The following ABCG8 variants were observed in gnomAD, a reference collection of about 807,000 sequenced individuals.
ABCG8 encodes the protein ATP binding cassette subfamily G member 8.
In ABCG8, 81 loss-of-function variants were observed where a neutral mutation model predicts 71.3. That is an observed-to-expected ratio of 1.14 (90% CI 0.95 to 1.37). The LOEUF (loss-of-function observed/expected upper bound fraction) is 1.37, where lower values mean the gene tolerates loss of function less well. Among genes scored for constraint, ABCG8 ranks in the 40% most tolerant of loss-of-function variants. The probability of loss-of-function intolerance (pLI) is 0.00; values close to 1 mark genes in which losing one functional copy is unlikely to be tolerated. For missense variants in ABCG8, 1,119 were observed against 866.2 expected, an observed-to-expected ratio of 1.29 and a Z score of -3.66; for synonymous variants, 451 against 354.7, an observed-to-expected ratio of 1.27 and a Z score of -3.05.
In ABCG8 at chr2:43,873,964, C is replaced by T; in HGVS notation, c.1389C>T (p.Val463=). ...FMIGALIPFN[V]ILDVISKCYS... ...TCGGTGCTCTCATCCCTTTCAACGT[C>T]ATTCTGGATGTCATCTCCAAATGTG... The change falls in exon 9 of 13, where the codon GTC becomes GTT. Residue 463 remains valine, a synonymous_variant. Coordinates refer to ENST00000272286, the MANE Select transcript of ABCG8 (RefSeq NM_022437.3). 4 of 1,614,094 alleles carry T rather than the reference C, an allele frequency of 2.5e-6. No individual in the cohort carries two copies. The highest frequency in any genetic ancestry group is 1.3e-5 in the African/African-American group (1 of 75,034).
At chr2:43,852,928 C>T in intron 6 of ABCG8, 60 bp downstream of exon 6, 1 of 1,601,044 alleles carries the variant, frequency 6.2e-7, no homozygotes, top group Non-Finnish European at 8.5e-7. Flanking sequence ...GATGCTTAAA[C>T]CCTGCCCAAG....
intron 6 of ABCG8, among the ~76,000 whole-genome samples, chr2:43,863,980 A>T (rs533887960): frequency 6.6e-6 from 1 of 151,264 alleles, no homozygotes; most frequent in East Asian, 1.9e-4. Context: ...CTTACTGTCA[A>T]TCTGGATATA....
intron 11 of ABCG8, among the ~76,000 whole-genome samples, chr2:43,876,277 T>A (rs928838130): frequency 7.2e-5 from 11 of 152,178 alleles, no homozygotes; most frequent in Non-Finnish European, 8.8e-5. Context: ...CTCTGCCCTT[T>A]TGCCTCTTGG....
In ABCG8 at chr2:43,875,377, G is replaced by T; in HGVS notation, c.1720G>T (p.Gly574Trp). The stretch of plus-strand genomic sequence containing the variant: ...CCTCTACAACTCCTTCTACCTCGCC[G>T]GGGGCTTCATGATAAACTTGAGCAG... ...NALYNSFYLA[G>W]GFMINLSSLW... The change falls in exon 11 of 13, where the codon GGG (glycine) becomes TGG (tryptophan). Residue 574 changes from glycine to tryptophan, a missense_variant. Gly to Trp is a radical substitution (Grantham distance 184, BLOSUM62 -2). Transcript: ENST00000272286. 6.2e-7 allele frequency: 1 copy of T among 1,613,672 alleles called. No individual in the cohort carries two copies. The highest frequency in any genetic ancestry group is 8.5e-7 in the Non-Finnish European group (1 of 1,179,816).
In ABCG8 at chr2:43,851,911, C is replaced by G. The variant is rs1668930409; in HGVS notation, c.561+89C>G. On this transcript the variant is annotated intron_variant, in intron 4 of 12. Transcript: ENST00000272286. ...CTCCCCTGCTGCCTTGCCTCAGGAC[C>G]CAGCCGCAGGTCGAGTTTGAACAAC... is the stretch of plus-strand genomic sequence containing the variant. 4.9e-6 allele frequency: 7 copies of G among 1,440,160 alleles called. No homozygotes were observed. The Admixed American group carries it at 8.4e-5, about 17-fold the overall frequency. 89.2% of individuals were successfully genotyped at this position (1,440,160 alleles called of 1,614,324 possible).
At position 43,872,090 on chromosome 2, in the gene ABCG8, T is replaced by C. The variant is rs1439107514; in HGVS notation, c.1079T>C (p.Leu360Pro). ...AAAGTGCGTGACTTAGATGACTTTC[T>C]ATGGAAAGCAGAGACGAAGGATCTT... ...LEKVRDLDDF[L>P]WKAETKDLDE... The change falls in exon 7 of 13, where the codon CTA (leucine) becomes CCA (proline). Residue 360 changes from leucine (L) to proline (P), a missense_variant. Leu to Pro is a moderately conservative substitution (Grantham distance 98). Coordinates refer to ENST00000272286, the MANE Select transcript of ABCG8 (RefSeq NM_022437.3). The C allele has an allele frequency of 3.1e-6, 5 of 1,614,094 alleles. No individual in the cohort carries two copies. In the South Asian group the frequency reaches 5.5e-5, roughly 18 times the overall value.
intron 6 of ABCG8, among the ~76,000 whole-genome samples, chr2:43,860,980 C>T (rs1165483883): frequency 6.6e-6 from 1 of 151,162 alleles, no homozygotes; most frequent in Middle Eastern, 3.4e-3. Context: ...CTGGATAGAA[C>T]TCTCACTATC....
At chr2:43,860,933 G>A (rs1669293064) in intron 6 of ABCG8, among the ~76,000 whole-genome samples, 1 of 151,382 alleles carries the variant, frequency 6.6e-6, no homozygotes, top group South Asian at 2.1e-4. Flanking sequence ...TCTCTGGATA[G>A]AACTCTCACT....
At chr2:43,852,268 G>A (rs188597032) in intron 4 of ABCG8, 86 bp from the exon 5 acceptor site, 3 of 1,590,270 alleles carry the variant, frequency 1.9e-6, no homozygotes, top group African/African-American at 1.3e-5. Context: ...AGCCGGAGGA[G>A]CGGGCGCCTT....
At chr2:43,849,962 G>A (rs1380224531) in intron 3 of ABCG8, among the ~76,000 whole-genome samples, 2 of 152,148 alleles carry the variant, frequency 1.3e-5, no homozygotes, top group Non-Finnish European at 2.9e-5. Context: ...CACTTTGGGA[G>A]GCCGAGGCAG....
intron 8 of ABCG8, among the ~76,000 whole-genome samples, chr2:43,873,025 T>C (rs1669834296): frequency 6.6e-6 from 1 of 152,044 alleles, no homozygotes; most frequent in Non-Finnish European, 1.5e-5. Flanking sequence ...GCTGGTTTCT[T>C]TTCACTTAGG....
chr2:43,877,104 GGGGGAGACTGTGGGAATAT>G (rs1263752349), intron 11 of ABCG8, among the ~76,000 whole-genome samples: 3 of 139,184 alleles, frequency 2.2e-5, no homozygotes, highest in Non-Finnish European at 3.1e-5. Flanking sequence ...CTGTGAATAT[GGGGGAGACTGTGGGAATAT>G]GGGGAGACCG....
intron 10 of ABCG8, 102 bp downstream of exon 10, chr2:43,874,585 C>T (rs1669897696): frequency 5.1e-6 from 5 of 971,218 alleles, no homozygotes; most frequent in Middle Eastern, 2.3e-4. Flanking sequence ...ACCATGGGGC[C>T]GTGGGTCATG....
intron 1 of ABCG8, 94 bp from the exon 2 acceptor site, chr2:43,844,413 A>C: frequency 1.0e-6 from 1 of 977,676 alleles, no homozygotes; most frequent in Non-Finnish European, 1.6e-6. Context: ...CGTCGGCTCT[A>C]AGAAGTTGCT....
intron 3 of ABCG8, chr2:43,847,714 G>A (rs1572828217): frequency 6.6e-6 from 1 of 152,014 alleles, no homozygotes; most frequent in South Asian, 2.1e-4. Flanking sequence ...CTCTTAGAAA[G>A]GAATGAATAA....
intron 12 of ABCG8, 43 bp downstream of exon 12, chr2:43,877,731 G>A (rs540986989): frequency 1.9e-6 from 3 of 1,613,952 alleles, no homozygotes; most frequent in African/African-American, 1.3e-5. Context: ...TGGACGTCCG[G>A]CTTTCCATCC....
intron 6 of ABCG8, among the ~76,000 whole-genome samples, chr2:43,861,064 C>G (rs116234063): frequency 0.017 from 2,513 of 151,200 alleles, 35 homozygotes; most frequent in South Asian, 0.063. Flanking sequence ...CTGGATAGAA[C>G]CCTCACTATC....
At chr2:43,857,877 T>C (rs900860660) in intron 6 of ABCG8, among the ~76,000 whole-genome samples, 2 of 151,648 alleles carry the variant, frequency 1.3e-5, no homozygotes, top group African/African-American at 4.8e-5. Context: ...GAATTCGCTA[T>C]CTCTGGATAG....
At chr2:43,870,457 C>T (rs1442516848) in intron 6 of ABCG8, among the ~76,000 whole-genome samples, 3 of 152,108 alleles carry the variant, frequency 2.0e-5, no homozygotes, top group Non-Finnish European at 2.9e-5. Flanking sequence ...GGATAGAATT[C>T]TCACTATCTG....
Sources: gnomAD v4.1 joint callset for allele counts (sites outside exome capture counted in the v4.1 genomes callset) on GRCh38, gnomAD v4.1.1 for gene constraint, MANE v1.5 for transcripts, NCBI Gene and HGNC (gene_info 2026-07-23, HGNC 2026-07-21) for gene names.